Variants in NKAIN2 observed in about 807,000 individuals in gnomAD.
NKAIN2 encodes the protein sodium/potassium transporting ATPase interacting 2.
A neutral mutation model predicts 32.6 loss-of-function variants in NKAIN2; 14 were observed. The ratio of observed to expected loss-of-function variants is 0.43; its 90% confidence interval spans 0.28 to 0.67. NKAIN2 has a LOEUF of 0.67. Among genes scored for constraint, NKAIN2 ranks in the 30% least tolerant of loss-of-function variants. The probability of loss-of-function intolerance (pLI) is 0.17; values close to 1 mark genes in which losing one functional copy is unlikely to be tolerated. For synonymous variants in NKAIN2, 80 were observed against 87.2 expected, an observed-to-expected ratio of 0.92 and a Z score of 0.46; for missense variants, 198 against 258.3, an observed-to-expected ratio of 0.77 and a Z score of 1.60.
chr6:124,776,270 C>G (rs988506170), intron 4 of NKAIN2, among the ~76,000 whole-genome samples: 2 of 152,054 alleles, frequency 1.3e-5, no homozygotes, highest in Non-Finnish European at 2.9e-5. Context: ...ACTGACTAGC[C>G]CTTGGGTTTA....
chr6:124,306,316 T>G (rs2114989409), intron 2 of NKAIN2, among the ~76,000 whole-genome samples: 1 of 152,218 alleles, frequency 6.6e-6, no homozygotes, highest in African/African-American at 2.4e-5. Context: ...CCTTTATAAC[T>G]TCAAAAAGAA....
At chr6:123,814,353 C>T (rs979370667) in intron 1 of NKAIN2, among the ~76,000 whole-genome samples, 7 of 152,204 alleles carry the variant, frequency 4.6e-5, no homozygotes, top group African/African-American at 1.2e-4. Flanking sequence ...CTTAGAGATA[C>T]GGGGCAATGC....
At chr6:124,256,890 T>G (rs1270761362) in intron 1 of NKAIN2, among the ~76,000 whole-genome samples, 1 of 145,818 alleles carries the variant, frequency 6.9e-6, no homozygotes, top group African/African-American at 2.5e-5. Flanking sequence ...CTGTTGTTTT[T>G]TTTTTTTTTT....
chr6:124,050,406 T>G (rs116164298), intron 1 of NKAIN2, among the ~76,000 whole-genome samples: 1 of 152,018 alleles, frequency 6.6e-6, no homozygotes, highest in Non-Finnish European at 1.5e-5. Flanking sequence ...AGAACCTGTG[T>G]CACATCCTTC....
chr6:124,465,617 C>T (rs1460118253), intron 3 of NKAIN2, among the ~76,000 whole-genome samples: 1 of 127,160 alleles, frequency 7.9e-6, no homozygotes, highest in Non-Finnish European at 1.6e-5. Context: ...TATCCCAGGA[C>T]TTAAAGTAAA....
At position 123,803,984 on chromosome 6, in the gene NKAIN2, T is replaced by C. The variant is rs948705975; in HGVS notation, c.-217T>C. ...CGTGTGCACCGAGCGAGTGAAGGTA[T>C]GTGTGGCGGGCGCGGCTGGAGCTGC... On this transcript the variant is annotated 5_prime_UTR_variant, in exon 1 of 7. An upstream start codon of the reference 5' UTR is lost. Transcript: ENST00000368417. Among the ~76,000 whole-genome samples the C allele has an allele frequency of 2.0e-5, 3 of 150,822 alleles. No individual in the cohort carries two copies. The highest frequency in any genetic ancestry group is 7.3e-5 in the African/African-American group (3 of 41,210).
intron 3 of NKAIN2, among the ~76,000 whole-genome samples, chr6:124,560,323 G>T (rs141595570): frequency 6.6e-6 from 1 of 152,144 alleles, no homozygotes; most frequent in Non-Finnish European, 1.5e-5. Flanking sequence ...ATGTGAAGAA[G>T]GACTGTTTGC....
chr6:124,739,468 G>A (rs888812403), intron 4 of NKAIN2, among the ~76,000 whole-genome samples: 4 of 151,826 alleles, frequency 2.6e-5, no homozygotes, highest in Non-Finnish European at 4.4e-5. Flanking sequence ...GGTAACTTAA[G>A]GATAATGTGT....
At chr6:124,666,316 T>C (rs2114457995) in intron 4 of NKAIN2, among the ~76,000 whole-genome samples, 1 of 152,270 alleles carries the variant, frequency 6.6e-6, no homozygotes, top group South Asian at 2.1e-4. Flanking sequence ...ATGAAGGTGG[T>C]AAGTAGAACA....
rs1042526565 is a variant in NKAIN2, at chr6:124,580,848, A to G, written c.274-77338A>G. 3.3e-5 allele frequency among the ~76,000 whole-genome samples: 5 copies of G among 152,352 alleles called. No homozygotes were observed. In the East Asian group the frequency reaches 5.8e-4, roughly 18 times the overall value. ...CATGGAAATGGAAACAAACCAAACA[A>G]CTAAACAAACGAACACAAAACAAAA... On this transcript the variant is annotated intron_variant, in intron 3 of 6. Coordinates refer to ENST00000368417, the MANE Select transcript of NKAIN2 (RefSeq NM_001040214.3).
intron 1 of NKAIN2, 105 bp downstream of exon 1, chr6:123,804,359 A>C (rs1024297465): frequency 7.2e-6 from 7 of 976,946 alleles, no homozygotes; most frequent in Admixed American, 3.5e-5. Context: ...GAAAAAGATA[A>C]AAGAGAAGGT....
At chr6:124,145,957 G>C (rs1336658289) in intron 1 of NKAIN2, among the ~76,000 whole-genome samples, 1 of 152,022 alleles carries the variant, frequency 6.6e-6, no homozygotes, top group Non-Finnish European at 1.5e-5. Flanking sequence ...GTGGGAGTAG[G>C]TACATGAAAC....
chr6:123,833,175 G>C (rs1774457879), intron 1 of NKAIN2, among the ~76,000 whole-genome samples: 1 of 152,148 alleles, frequency 6.6e-6, no homozygotes, highest in Admixed American at 6.6e-5. Context: ...TGGATGTCCA[G>C]TTGTTCTACC....
intron 1 of NKAIN2, among the ~76,000 whole-genome samples, chr6:123,849,957 TTTTTG>T (rs1562217858): frequency 2.8e-5 from 1 of 36,190 alleles, no homozygotes; most frequent in Non-Finnish European, 1.1e-4. Flanking sequence ...TGGTTTTTTT[TTTTTG>T]TTTGTTTGTT....
At chr6:124,707,313 G>C (rs1396948250) in intron 4 of NKAIN2, among the ~76,000 whole-genome samples, 1 of 152,036 alleles carries the variant, frequency 6.6e-6, no homozygotes, top group Non-Finnish European at 1.5e-5. Flanking sequence ...GTGTGCATGT[G>C]TCTTTATAGC....
chr6:124,273,006 T>C (rs978934321), intron 1 of NKAIN2, among the ~76,000 whole-genome samples: 13 of 152,246 alleles, frequency 8.5e-5, no homozygotes, highest in African/African-American at 2.7e-4. Flanking sequence ...AACTTGTTTT[T>C]GATTTTACAG....
chr6:124,075,223 A>G (rs1008141958), intron 1 of NKAIN2, among the ~76,000 whole-genome samples: 12 of 152,168 alleles, frequency 7.9e-5, no homozygotes, highest in Non-Finnish European at 1.6e-4. Context: ...AAACATGAGT[A>G]AAAAACAGTC....
At chr6:124,029,012 A>C (rs935653059) in intron 1 of NKAIN2, among the ~76,000 whole-genome samples, 3 of 150,342 alleles carry the variant, frequency 2.0e-5, no homozygotes, top group Non-Finnish European at 4.4e-5. Flanking sequence ...TGTTTCTCTG[A>C]GATTGCTTTT....
chr6:124,238,169 A>G (rs1376183467), intron 1 of NKAIN2, among the ~76,000 whole-genome samples: 2 of 151,998 alleles, frequency 1.3e-5, no homozygotes, highest in South Asian at 2.1e-4. Flanking sequence ...AAGGTTAGCC[A>G]GGGGGGAAGA....
Sources: gnomAD v4.1 joint callset for allele counts (sites outside exome capture counted in the v4.1 genomes callset) on GRCh38, gnomAD v4.1.1 for gene constraint, MANE v1.5 for transcripts, NCBI Gene and HGNC (gene_info 2026-07-23, HGNC 2026-07-21) for gene names.